Variants in PDZRN4 observed in about 807,000 individuals in gnomAD.
PDZRN4 encodes PDZ domain-containing RING finger protein 4.
Under a neutral mutation model 99.0 loss-of-function variants are expected in PDZRN4, and 70 were observed. The observed-to-expected ratio is 0.71, with a 90% CI of 0.58 to 0.86. PDZRN4 has a LOEUF of 0.86. Among genes scored for constraint, PDZRN4 ranks in the 40% least tolerant of loss-of-function variants. The probability of loss-of-function intolerance (pLI) is 0.00; values close to 1 mark genes in which losing one functional copy is unlikely to be tolerated. For synonymous variants in PDZRN4, 551 were observed against 501.6 expected, an observed-to-expected ratio of 1.10 and a Z score of -1.32; for missense variants, 1,474 against 1,331.2, an observed-to-expected ratio of 1.11 and a Z score of -1.67.
At chr12:41,518,244 T>C (rs543400629) in intron 5 of PDZRN4, among the ~76,000 whole-genome samples, 1 of 152,198 alleles carries the variant, frequency 6.6e-6, no homozygotes, top group South Asian at 2.1e-4. Context: ...TCCAGTTCAG[T>C]GTAACTGAAT....
At chr12:41,387,766 G>C (rs2121113107) in intron 3 of PDZRN4, among the ~76,000 whole-genome samples, 1 of 152,320 alleles carries the variant, frequency 6.6e-6, no homozygotes, top group Middle Eastern at 3.4e-3. Context: ...TCATTAAAAA[G>C]TCAAAAAATA....
At chr12:41,373,172 C>T (rs1161623951) in intron 3 of PDZRN4, among the ~76,000 whole-genome samples, 2 of 151,884 alleles carry the variant, frequency 1.3e-5, no homozygotes, top group African/African-American at 2.4e-5. Context: ...ACAAGGCAAA[C>T]GGAGGCAGGG....
chr12:41,259,116 T>C (rs73120941), intron 3 of PDZRN4, among the ~76,000 whole-genome samples: 5,879 of 152,170 alleles, frequency 0.039, 395 homozygotes, highest in African/African-American at 0.13. Flanking sequence ...GTATAATGGA[T>C]AATAATGGCT....
intron 3 of PDZRN4, among the ~76,000 whole-genome samples, chr12:41,222,474 G>C (rs1476008667): frequency 6.6e-6 from 1 of 152,036 alleles, no homozygotes; most frequent in Non-Finnish European, 1.5e-5. Flanking sequence ...TAAATTTCAT[G>C]AGGTTTCTCT....
At chr12:41,504,546 T>C (rs542935616) in intron 3 of PDZRN4, among the ~76,000 whole-genome samples, 57 of 152,314 alleles carry the variant, frequency 3.7e-4, no homozygotes, top group Non-Finnish European at 7.2e-4. Flanking sequence ...TATTATTCAA[T>C]GAAAGGGGCT....
chr12:41,499,383 G>A (rs948969272), intron 3 of PDZRN4, among the ~76,000 whole-genome samples: 2 of 152,166 alleles, frequency 1.3e-5, no homozygotes, highest in East Asian at 1.9e-4. Context: ...TTTATAAAGA[G>A]GTTAATAAAA....
intron 3 of PDZRN4, among the ~76,000 whole-genome samples, chr12:41,446,850 A>ATT (rs36011837): frequency 4.2e-4 from 59 of 139,020 alleles, no homozygotes; most frequent in African/African-American, 1.5e-3. Context: ...ACCAAGGGCA[A>ATT]TTTTTTTTTT....
intron 9 of PDZRN4, among the ~76,000 whole-genome samples, chr12:41,569,388 G>A (rs1221457231): frequency 2.0e-5 from 3 of 152,008 alleles, no homozygotes; most frequent in African/African-American, 4.8e-5. Flanking sequence ...TTAAAGTGCT[G>A]GGATTACAGG....
chr12:41,339,153 CA>C (rs1951797704), intron 3 of PDZRN4, among the ~76,000 whole-genome samples: 1 of 150,072 alleles, frequency 6.7e-6, no homozygotes, highest in African/African-American at 2.4e-5. Flanking sequence ...TGGGAGGAAT[CA>C]CATTACCTGA....
At chr12:41,217,026 G>C (rs1950925648) in intron 3 of PDZRN4, among the ~76,000 whole-genome samples, 1 of 152,040 alleles carries the variant, frequency 6.6e-6, no homozygotes, top group Admixed American at 6.6e-5. Context: ...GTGGATTTCA[G>C]CTTCTTCCCT....
At chr12:41,281,191 C>T (rs1047616410) in intron 3 of PDZRN4, among the ~76,000 whole-genome samples, 2 of 151,758 alleles carry the variant, frequency 1.3e-5, no homozygotes, top group African/African-American at 2.4e-5. Context: ...CAGATGACCA[C>T]GCAAAAACTC....
At chr12:41,334,854 TG>T (rs1323159865) in intron 3 of PDZRN4, among the ~76,000 whole-genome samples, 1 of 152,142 alleles carries the variant, frequency 6.6e-6, no homozygotes, top group East Asian at 1.9e-4. Context: ...AAACCACCAT[TG>T]TAATAAGATT....
chr12:41,562,243 C>T (rs1274416649), intron 7 of PDZRN4, among the ~76,000 whole-genome samples: 1 of 152,066 alleles, frequency 6.6e-6, no homozygotes, highest in East Asian at 1.9e-4. Context: ...TTTCCTTGCA[C>T]TAAATACATA....
chr12:41,394,542 A>G (rs888886815), intron 3 of PDZRN4, among the ~76,000 whole-genome samples: 3 of 152,172 alleles, frequency 2.0e-5, no homozygotes, highest in Non-Finnish European at 4.4e-5. Flanking sequence ...GAATCCAGCA[A>G]CATCTTAGCT....
intron 3 of PDZRN4, among the ~76,000 whole-genome samples, chr12:41,403,071 A>C (rs1952315583): frequency 6.6e-6 from 1 of 152,112 alleles, no homozygotes; most frequent in Admixed American, 6.6e-5. Flanking sequence ...ACTTTTAAAA[A>C]TTCAGAATTA....
intron 3 of PDZRN4, among the ~76,000 whole-genome samples, chr12:41,255,309 T>C (rs1019556368): frequency 1.3e-5 from 2 of 152,158 alleles, no homozygotes; most frequent in Non-Finnish European, 2.9e-5. Flanking sequence ...AACCAGAATA[T>C]GTAAAGATTA....
At chr12:41,278,299 G>A (rs1951363051) in intron 3 of PDZRN4, among the ~76,000 whole-genome samples, 1 of 152,186 alleles carries the variant, frequency 6.6e-6, no homozygotes, top group South Asian at 2.1e-4. Context: ...AGAAAAGGTT[G>A]TCATCTCCCT....
chr12:41,525,552 T>C (rs529088567), intron 5 of PDZRN4, among the ~76,000 whole-genome samples: 1 of 152,308 alleles, frequency 6.6e-6, no homozygotes, highest in South Asian at 2.1e-4. Context: ...CATATACACA[T>C]ATGAAACCAT....
At chr12:41,532,766 G>A (rs1016864607) in intron 5 of PDZRN4, among the ~76,000 whole-genome samples, 1 of 151,970 alleles carries the variant, frequency 6.6e-6, no homozygotes, top group African/African-American at 2.4e-5. Flanking sequence ...ATATAAAAAG[G>A]GAATATTTAT....
Sources: gnomAD v4.1 joint callset for allele counts (sites outside exome capture counted in the v4.1 genomes callset) on GRCh38, gnomAD v4.1.1 for gene constraint, MANE v1.5 for transcripts, NCBI Gene and HGNC (gene_info 2026-07-23, HGNC 2026-07-21) for gene names.